CEP41: variants seen among roughly 807,000 people sequenced by gnomAD.
The protein encoded by CEP41 is centrosomal protein of 41 kDa.
CEP41 carries 32 observed loss-of-function variants against 44.3 expected under a neutral mutation model. That is an observed-to-expected ratio of 0.72 (90% CI 0.54 to 0.97). The LOEUF is 0.97. Among genes scored for constraint, CEP41 ranks in the 50% least tolerant of loss-of-function variants. The pLI, the probability that CEP41 is intolerant of heterozygous loss-of-function variation, is 0.00. For missense variants in CEP41, 432 were observed against 455.2 expected (o/e 0.95, Z 0.46); for synonymous variants, 151 against 168.5 (o/e 0.90, Z 0.80).
intron 3 of CEP41, among the ~76,000 whole-genome samples, chr7:130,414,742 A>G (rs1797283694): frequency 6.6e-6 from 1 of 152,250 alleles, no homozygotes; most frequent in Non-Finnish European, 1.5e-5. Flanking sequence ...CTCAGAGATA[A>G]AAGATCAAAC....
intron 2 of CEP41, chr7:130,420,431 T>A (rs1554421956): frequency 1.3e-5 from 2 of 150,754 alleles, no homozygotes; most frequent in Admixed American, 1.3e-4. Flanking sequence ...GGCCAGGAGT[T>A]CAAGACCACC....
chr7:130,440,782 G>GGCCCCC, intron 1 of CEP41, 152 bp downstream of exon 1: 7 of 531,112 alleles, frequency 1.3e-5, no homozygotes, highest in South Asian at 8.3e-5. Context: ...CCCAAGCCCG[G>GGCCCCC]CCCGCCCCGC....
At position 130,397,321 on chromosome 7, in the gene CEP41, GGTTT is replaced by G. The variant is rs1554415104; in HGVS notation, c.*1566_*1569del. The stretch of plus-strand genomic sequence containing the variant: ...GGCTTGACATCTGAACAATGTCCCT[GGTTT>G]GTTTGATTTCTAAAGCATCGGAAAA... On this transcript the variant is annotated 3_prime_UTR_variant, in exon 11 of 11. Coordinates refer to ENST00000223208, the MANE Select transcript of CEP41 (RefSeq NM_018718.3). The G allele has an allele frequency of 6.6e-6, 3 of 454,358 alleles. No individual in the cohort carries two copies. The highest frequency in any genetic ancestry group is 4.4e-6 in the Non-Finnish European group (1 of 226,774). 28.1% of individuals were successfully genotyped at this position (454,358 alleles called of 1,614,324 possible).
intron 1 of CEP41, among the ~76,000 whole-genome samples, chr7:130,437,802 AAAG>A (rs1554426550): frequency 3.9e-4 from 57 of 147,682 alleles, no homozygotes; most frequent in Non-Finnish European, 5.8e-4. Context: ...AAAGAAAAAA[AAAG>A]ATGTTGATGA....
At position 130,430,364 on chromosome 7, in the gene CEP41, C is replaced by A. The variant is rs568737095; in HGVS notation, c.34-2346G>T. 8.1e-4 allele frequency among the ~76,000 whole-genome samples: 123 copies of A among 152,260 alleles called. 1 individual carries two copies. Among genetic ancestry groups the A allele is most frequent in the African/African-American group, 2.8e-3 (117 of 41,558 alleles). On this transcript the variant is annotated intron_variant, in intron 1 of 10. Transcript: ENST00000223208. ...ATGACATTGTGATTTTCACTTCACC[C>A]CAGGCAAATCACATCTTTATCACCA... is the stretch of plus-strand genomic sequence containing the variant.
In CEP41 at chr7:130,398,681, C is replaced by A. The variant is rs782630346; in HGVS notation, c.*210G>T. 8 of 744,552 alleles carry A rather than the reference C, an allele frequency of 1.1e-5. No individual in the cohort carries two copies. The highest frequency in any genetic ancestry group is 3.7e-5 in the Admixed American group (2 of 54,664). The allele number at this position is 744,552 out of a possible 1,614,324, so 46.1% of individuals were successfully genotyped here. Reference sequence around the variant, plus strand: ...GGGAGGAGACTAGAGCCTGTCACACCTCTGGTTTTTATGGTCACCTGTCAA... The same window carrying A: ...GGGAGGAGACTAGAGCCTGTCACACATCTGGTTTTTATGGTCACCTGTCAA... On this transcript the variant is annotated 3_prime_UTR_variant, in exon 11 of 11. Transcript: ENST00000223208.
chr7:130,440,065 G>A (rs1798098327), intron 1 of CEP41, among the ~76,000 whole-genome samples: 1 of 152,110 alleles, frequency 6.6e-6, no homozygotes, highest in African/African-American at 2.4e-5. Context: ...TATCACCCAG[G>A]CTGGAGTGCA....
intron 1 of CEP41, among the ~76,000 whole-genome samples, chr7:130,428,428 C>CAAAAAAAAAAAAA (rs67847969): frequency 2.6e-5 from 1 of 38,084 alleles, no homozygotes; most frequent in Non-Finnish European, 4.5e-5. Context: ...GACTCTGACT[C>CAAAAAAAAAAAAA]AAAAAAAAAA....
intron 1 of CEP41, among the ~76,000 whole-genome samples, chr7:130,440,028 T>C (rs782763032): frequency 1.3e-5 from 2 of 152,220 alleles, no homozygotes; most frequent in Non-Finnish European, 2.9e-5. Context: ...ATTGTTTATT[T>C]TTATTTTTTT....
rs1796747103 is a variant in CEP41 at position 130,398,688 on chromosome 7, T to A, written c.*203A>T. 6 of 754,742 alleles carry A rather than the reference T, an allele frequency of 7.9e-6. No homozygotes were observed. Among genetic ancestry groups the A allele is most frequent in the South Asian group, 6.9e-5 (5 of 72,962 alleles). 46.8% of individuals were successfully genotyped at this position (754,742 alleles called of 1,614,324 possible). ...GACTAGAGCCTGTCACACCTCTGGT[T>A]TTTATGGTCACCTGTCAAAATCCTT... On this transcript the variant is annotated 3_prime_UTR_variant, in exon 11 of 11. Coordinates refer to ENST00000223208, the MANE Select transcript of CEP41 (RefSeq NM_018718.3).
chr7:130,397,376 G>C lies in CEP41; in HGVS notation c.*1515C>G, dbSNP rs1165057898. On this transcript the variant is annotated 3_prime_UTR_variant, in exon 11 of 11. Coordinates refer to ENST00000223208, the MANE Select transcript of CEP41 (RefSeq NM_018718.3). ...TGTTGCACTTTGGAAATCAAGTAGA[G>C]AAGAATAAACACACTCTAAAACAGA... 4.4e-6 allele frequency: 2 copies of C among 454,352 alleles called. No individual in the cohort carries two copies. The highest frequency in any genetic ancestry group is 3.1e-5 in the South Asian group (2 of 64,456). 28.1% of individuals were successfully genotyped at this position (454,352 alleles called of 1,614,324 possible). A position where few individuals can be genotyped will look rare whatever the true frequency, so the allele number is the denominator to read the frequency against.
intron 8 of CEP41, chr7:130,401,186 G>A (rs1407989719): frequency 8.2e-6 from 2 of 243,126 alleles, no homozygotes; most frequent in Non-Finnish European, 8.1e-6. Context: ...GCCTATTTAT[G>A]ACAGTAAAAA....
At chr7:130,419,191 TTGG>T in intron 2 of CEP41, 2 of 985,474 alleles carry the variant, frequency 2.0e-6, no homozygotes, top group Non-Finnish European at 2.4e-6. Context: ...ATACAAATAT[TTGG>T]TGAAATTCAG....
At chr7:130,432,588 CAAAAA>C (rs56874452) in intron 1 of CEP41, among the ~76,000 whole-genome samples, 3 of 59,946 alleles carry the variant, frequency 5.0e-5, no homozygotes, top group African/African-American at 2.1e-4. Flanking sequence ...TTTGTTTCCA[CAAAAA>C]AAAAAAAAAA....
intron 5 of CEP41, 171 bp downstream of exon 5, chr7:130,410,951 A>T (rs1643043452): frequency 1.5e-6 from 1 of 688,016 alleles, no homozygotes; most frequent in Non-Finnish European, 2.6e-6. Context: ...TTTTTAAAAT[A>T]AGAATTAACA....
chr7:130,427,945 C>G lies in CEP41; in HGVS notation c.97+10G>C. The G allele has an allele frequency of 1.3e-6, 2 of 1,581,818 alleles. No individual in the cohort carries two copies. The highest frequency in any genetic ancestry group is 1.7e-6 in the Non-Finnish European group (2 of 1,151,094). On this transcript the variant is annotated intron_variant, in intron 2 of 10. Transcript: ENST00000223208. ...TTTTTTTTAATTCTAATTTTCTAAT[C>G]TTTACTCACCAGTGTCCAGTCTTGA...
intron 10 of CEP41, chr7:130,399,293 A>C: frequency 3.8e-6 from 2 of 525,250 alleles, no homozygotes; most frequent in South Asian, 2.0e-5. Context: ...TCCCCAACAA[A>C]CCTAGTCTGT....
chr7:130,418,457 G>A (rs1376860194), intron 2 of CEP41, among the ~76,000 whole-genome samples: 2 of 152,152 alleles, frequency 1.3e-5, no homozygotes, highest in Admixed American at 6.5e-5. Flanking sequence ...GGAAGAAGAC[G>A]GCAAATCAGT....
At position 130,402,740 on chromosome 7, in the gene CEP41, G is replaced by T; in HGVS notation, c.482C>A (p.Pro161His). 1 of 1,614,126 alleles carries T rather than the reference G, an allele frequency of 6.2e-7. No homozygotes were observed. The highest frequency in any genetic ancestry group is 1.3e-5 in the African/African-American group (1 of 75,024). ...LDKGPVKKAEPHTKDKPYPDC... is the reference protein window; with the variant it reads ...LDKGPVKKAEHHTKDKPYPDC... ...AGGATAAGGTTTGTCTTTGGTATGGGGCTCTGCTTTCTTCACTGGCCCTTT... is the reference window on the plus strand; with the variant it reads ...AGGATAAGGTTTGTCTTTGGTATGGTGCTCTGCTTTCTTCACTGGCCCTTT... Residue 161 changes from proline (P) to histidine (H), a missense_variant, in exon 7 of 11, where the codon CCC (proline) becomes CAC (histidine). Pro to His is a moderately conservative substitution (Grantham distance 77). Transcript: ENST00000223208.
Sources: gnomAD v4.1 joint callset for allele counts (sites outside exome capture counted in the v4.1 genomes callset) on GRCh38, gnomAD v4.1.1 for gene constraint, MANE v1.5 for transcripts, NCBI Gene and HGNC (gene_info 2026-07-23, HGNC 2026-07-21) for gene names.